The following SPRY3 variants were observed in gnomAD, a reference collection of about 807,000 sequenced individuals.
SPRY3 encodes sprouty RTK signaling antagonist 3, also known as protein sprouty homolog 3.
SPRY3 carries 15 observed loss-of-function variants against 20.2 expected under a neutral mutation model. The observed-to-expected ratio is 0.74, with a 90% CI of 0.50 to 1.14. The LOEUF (loss-of-function observed/expected upper bound fraction) is 1.14. Ranked by LOEUF, SPRY3 falls within the 50% of genes most tolerant of loss-of-function variation. SPRY3 has a pLI of 0.00. For missense variants in SPRY3, 364 were observed against 363.9 expected (o/e 1.00, Z 0.00); for synonymous variants, 143 against 136.5 (o/e 1.05, Z -0.33).
At chrX:155,648,644 C>T (rs113383114) in intron 1 of SPRY3, among the ~76,000 whole-genome samples, 3 of 111,411 alleles carry the variant, frequency 2.7e-5, no homozygotes, top group South Asian at 3.7e-4. Context: ...CTCTGTTCTG[C>T]TCCATTGGTC....
chrX:155,757,298 T>G (rs2091287123), intron 2 of SPRY3, among the ~76,000 whole-genome samples: 1 of 152,130 alleles, frequency 6.6e-6, no homozygotes, highest in South Asian at 2.1e-4. Context: ...CTCAGGGATT[T>G]GCATTTACTG....
intron 1 of SPRY3, among the ~76,000 whole-genome samples, chrX:155,641,113 T>G (rs1483326666): frequency 9.0e-6 from 1 of 111,469 alleles, no homozygotes; most frequent in Non-Finnish European, 1.9e-5. Flanking sequence ...ACCCAATTTT[T>G]TGAGGATTTT....
intron 1 of SPRY3, among the ~76,000 whole-genome samples, chrX:155,640,101 G>C (rs1172384032): frequency 2.7e-5 from 3 of 111,318 alleles, no homozygotes; most frequent in African/African-American, 6.5e-5. Flanking sequence ...CTTATATACA[G>C]TTGACTTTCA....
chrX:155,777,870 A>G (rs1480219038), downstream of SPRY3: 1 of 166,440 alleles, frequency 6.0e-6, no homozygotes, highest in Non-Finnish European at 1.5e-5. Flanking sequence ...GTTCCTTGAT[A>G]CATTTCATAT....
At chrX:155,672,956 A>T (rs1557354939) in intron 2 of SPRY3, among the ~76,000 whole-genome samples, 2 of 104,469 alleles carry the variant, frequency 1.9e-5, no homozygotes, top group Non-Finnish European at 3.9e-5. Flanking sequence ...GTAGTAAACT[A>T]TCGCAAGGAC....
At chrX:155,688,600 C>T (rs2068094458) in intron 2 of SPRY3, among the ~76,000 whole-genome samples, 1 of 110,688 alleles carries the variant, frequency 9.0e-6, no homozygotes, top group Non-Finnish European at 1.9e-5. Flanking sequence ...CATGGTATTT[C>T]ATTGCGGTTT....
At chrX:155,760,475 T>C (rs1439579583) in intron 2 of SPRY3, among the ~76,000 whole-genome samples, 1 of 152,182 alleles carries the variant, frequency 6.6e-6, no homozygotes, top group Non-Finnish European at 1.5e-5. Context: ...TTTCAGGTGC[T>C]TAGATCCTTT....
At chrX:155,734,609 G>A (rs2091155811) in intron 2 of SPRY3, among the ~76,000 whole-genome samples, 1 of 151,318 alleles carries the variant, frequency 6.6e-6, no homozygotes, top group African/African-American at 2.4e-5. Context: ...TAGAAAAACG[G>A]TATAGAGTGT....
intron 2 of SPRY3, among the ~76,000 whole-genome samples, chrX:155,742,176 A>G (rs944156298): frequency 2.0e-5 from 3 of 152,166 alleles, no homozygotes; most frequent in Non-Finnish European, 4.4e-5. Flanking sequence ...GGAAAGCAGA[A>G]AAAAGCAGGG....
intron 1 of SPRY3, among the ~76,000 whole-genome samples, chrX:155,619,433 A>AT (rs1487214850): frequency 3.6e-5 from 4 of 110,583 alleles, no homozygotes; most frequent in Non-Finnish European, 7.6e-5. Flanking sequence ...TATTACTTTA[A>AT]TTTTTTTATA....
chrX:155,774,227 C>T (rs374055774), exon 4 of SPRY3: 30 of 1,613,912 alleles, frequency 1.9e-5, no homozygotes, highest in African/African-American at 2.7e-5. Context: ...CAACCTGGAG[C>T]AGGGGTCCAC....
At chrX:155,758,554 G>A (rs1489116657) in intron 2 of SPRY3, among the ~76,000 whole-genome samples, 1 of 152,148 alleles carries the variant, frequency 6.6e-6, no homozygotes, top group African/African-American at 2.4e-5. Flanking sequence ...CCACAGATCA[G>A]CTTTTTATCT....
intron 2 of SPRY3, among the ~76,000 whole-genome samples, chrX:155,725,547 G>A (rs2091091490): frequency 6.6e-6 from 1 of 152,082 alleles, no homozygotes; most frequent in Non-Finnish European, 1.5e-5. Context: ...TTTAGTCTTG[G>A]GAGGGTGTAT....
intron 2 of SPRY3, among the ~76,000 whole-genome samples, chrX:155,679,771 G>T (rs2068068363): frequency 8.9e-6 from 1 of 111,745 alleles, no homozygotes; most frequent in Non-Finnish European, 1.9e-5. Context: ...AGAGAGCTAT[G>T]AGAACATATA....
intron 1 of SPRY3, among the ~76,000 whole-genome samples, chrX:155,648,811 CA>C (rs1262904266): frequency 1.8e-5 from 2 of 110,881 alleles, no homozygotes; most frequent in East Asian, 5.6e-4. Flanking sequence ...AAAAAGCCTT[CA>C]AAAAAATCAG....
chrX:155,627,415 TA>T (rs1222386005), intron 1 of SPRY3, among the ~76,000 whole-genome samples: 2 of 112,128 alleles, frequency 1.8e-5, no homozygotes, highest in East Asian at 5.6e-4. Context: ...TTTCCTTTTT[TA>T]TGGCTAAATA....
At position 155,729,573 on chromosome X, in the gene SPRY3, G is replaced by A. The variant is rs746651699; in HGVS notation, c.-281-38389G>A. 4.0e-5 allele frequency among the ~76,000 whole-genome samples: 6 copies of A among 151,418 alleles called. No individual in the cohort carries two copies. The South Asian group carries it at 1.3e-3, about 32-fold the overall frequency. On this transcript the variant is annotated intron_variant, in intron 2 of 3. Transcript: ENST00000675360. ...AGATACAGCAAAAGCACTACTAAGA[G>A]TGAAGTTTATAGCTGTAAGTGCCTA...
intron 2 of SPRY3, among the ~76,000 whole-genome samples, chrX:155,733,744 T>C (rs1021639422): frequency 1.3e-5 from 2 of 152,130 alleles, no homozygotes; most frequent in African/African-American, 4.8e-5. Context: ...TTCATCAACA[T>C]TGAAATTCTA....
chrX:155,761,565 C>T (rs1187009117), intron 2 of SPRY3, among the ~76,000 whole-genome samples: 1 of 152,088 alleles, frequency 6.6e-6, no homozygotes, highest in African/African-American at 2.4e-5. Flanking sequence ...TGGTTATATA[C>T]CCAATAGTGG....
Sources: gnomAD v4.1 joint callset for allele counts (sites outside exome capture counted in the v4.1 genomes callset) on GRCh38, gnomAD v4.1.1 for gene constraint, MANE v1.5 for transcripts, NCBI Gene and HGNC (gene_info 2026-07-23, HGNC 2026-07-21) for gene names.